PHIP: variants seen among roughly 807,000 people sequenced by gnomAD.
The protein encoded by PHIP is PH-interacting protein.
In PHIP, 54 loss-of-function variants were observed where a neutral mutation model predicts 236.8. The ratio of observed to expected loss-of-function variants is 0.23; its 90% CI spans 0.18 to 0.29. The LOEUF (loss-of-function observed/expected upper bound fraction) is 0.29. Ranked by LOEUF, PHIP falls within the 10% of genes least tolerant of loss-of-function variation. The pLI, the probability that PHIP is intolerant of heterozygous loss-of-function variation, is 1.00. For synonymous variants in PHIP, 756 were observed against 718.9 expected (o/e 1.05, Z -0.83); for missense variants, 1,370 against 2,190.8 (o/e 0.63, Z 7.48).
chr6:79,020,290 G>A (rs1193254027), intron 9 of PHIP, among the ~76,000 whole-genome samples: 1 of 152,074 alleles, frequency 6.6e-6, no homozygotes, highest in Non-Finnish European at 1.5e-5. Flanking sequence ...GCAACAAAAT[G>A]TTAAGAATTT....
At chr6:78,988,762 A>T (rs976651598) in intron 20 of PHIP, among the ~76,000 whole-genome samples, 4 of 152,032 alleles carry the variant, frequency 2.6e-5, no homozygotes, top group African/African-American at 4.8e-5. Flanking sequence ...TTAATGACAG[A>T]CATAAGGATT....
At chr6:79,041,876 T>G (rs1234342698) in intron 7 of PHIP, among the ~76,000 whole-genome samples, 1 of 152,082 alleles carries the variant, frequency 6.6e-6, no homozygotes, top group Non-Finnish European at 1.5e-5. Flanking sequence ...TTTAGCTGTT[T>G]TACAGATGAC....
intron 35 of PHIP, among the ~76,000 whole-genome samples, chr6:78,952,038 G>GT (rs1007005609): frequency 6.6e-6 from 1 of 152,084 alleles, no homozygotes; most frequent in African/African-American, 2.4e-5. Flanking sequence ...CAATTGTTGA[G>GT]TTTTTTTCAC....
chr6:79,009,091 T>C (rs538265707), intron 15 of PHIP, among the ~76,000 whole-genome samples: 16 of 152,192 alleles, frequency 1.1e-4, no homozygotes, highest in South Asian at 6.2e-4. Flanking sequence ...ATACCTGAAA[T>C]TGTACTACTG....
chr6:79,036,957 T>TG (rs1014886315), intron 7 of PHIP, among the ~76,000 whole-genome samples: 11 of 147,882 alleles, frequency 7.4e-5, no homozygotes, highest in Non-Finnish European at 1.3e-4. Flanking sequence ...GCAAGGCTGC[T>TG]GACTTGATAC....
intron 4 of PHIP, among the ~76,000 whole-genome samples, chr6:79,064,260 C>T (rs1773516274): frequency 6.6e-6 from 1 of 152,186 alleles, no homozygotes; most frequent in Admixed American, 6.5e-5. Flanking sequence ...CCAACTCCTT[C>T]CCATCTACAT....
intron 7 of PHIP, among the ~76,000 whole-genome samples, chr6:79,032,027 T>C (rs185462757): frequency 6.6e-6 from 1 of 152,320 alleles, no homozygotes; most frequent in Admixed American, 6.5e-5. Context: ...CACAAATTTT[T>C]TGGTTTCCAA....
chr6:78,972,315 G>A (rs1317884809), intron 24 of PHIP, among the ~76,000 whole-genome samples: 2 of 152,150 alleles, frequency 1.3e-5, no homozygotes, highest in African/African-American at 4.8e-5. Flanking sequence ...GCAGCTGAGG[G>A]TCCTGTCTGT....
intron 7 of PHIP, among the ~76,000 whole-genome samples, chr6:79,029,142 C>T (rs1771539000): frequency 6.6e-6 from 1 of 152,158 alleles, no homozygotes; most frequent in African/African-American, 2.4e-5. Context: ...ATTAACCTTT[C>T]TTTTCTTCCA....
At position 79,002,045 on chromosome 6, in the gene PHIP, G is replaced by T; in HGVS notation, c.1733C>A (p.Thr578Asn). ...DANNFVLDEQ[T>N]QQAPHLMPPP... is the part of the protein sequence containing the mutation. Reference sequence around the variant, plus strand: ...AGGCATAAGATGAGGTGCTTGCTGAGTCTGTTCATCTAATACAAAATTGTT... The same window carrying T: ...AGGCATAAGATGAGGTGCTTGCTGATTCTGTTCATCTAATACAAAATTGTT... Residue 578 changes from threonine (T) to asparagine (N), a missense_variant, in exon 17 of 40, where the codon ACT becomes AAT. By Grantham distance (65) the Thr-to-Asn change is moderately conservative. Transcript: ENST00000275034. 3 of 1,613,262 alleles carry T rather than the reference G, an allele frequency of 1.9e-6. No individual in the cohort carries two copies. Among genetic ancestry groups the T allele is most frequent in the Non-Finnish European group, 2.5e-6 (3 of 1,179,402 alleles).
chr6:78,943,282 AATAG>A (rs1173343420), intron 39 of PHIP, among the ~76,000 whole-genome samples: 2 of 152,188 alleles, frequency 1.3e-5, no homozygotes, highest in African/African-American at 4.8e-5. Context: ...AATGTTAACT[AATAG>A]ATAATGATAT....
At chr6:78,992,885 TAGCAAC>T (rs1769357320) in intron 19 of PHIP, among the ~76,000 whole-genome samples, 1 of 152,158 alleles carries the variant, frequency 6.6e-6, no homozygotes, top group Non-Finnish European at 1.5e-5. Flanking sequence ...AAATCAAAGG[TAGCAAC>T]GATTAAACTC....
chr6:79,015,613 T>C lies in PHIP; in HGVS notation c.1389+17A>G. 3 of 1,556,434 alleles carry C rather than the reference T, an allele frequency of 1.9e-6. No individual in the cohort carries two copies. The highest frequency in any genetic ancestry group is 2.6e-6 in the Non-Finnish European group (3 of 1,140,342). ...CAGCTTCAGTTATATCAAATAAAGA[T>C]TAGAATTTTTTCTCACCATCAGGAC... On this transcript the variant is annotated intron_variant, in intron 14 of 39. Transcript: ENST00000275034.
At chr6:79,052,179 G>C (rs1772827446) in intron 6 of PHIP, among the ~76,000 whole-genome samples, 1 of 152,182 alleles carries the variant, frequency 6.6e-6, no homozygotes, top group South Asian at 2.1e-4. Flanking sequence ...TTGGGGCTGA[G>C]GGGTGGATAT....
At chr6:79,044,949 A>G (rs1772403960) in intron 6 of PHIP, among the ~76,000 whole-genome samples, 1 of 152,156 alleles carries the variant, frequency 6.6e-6, no homozygotes, top group African/African-American at 2.4e-5. Context: ...TTCATTTTGG[A>G]AGCCAATTGA....
rs150330740 is a variant in PHIP, at chr6:78,970,506, G to A, written c.2997+275C>T. Among the ~76,000 whole-genome samples, 837 of 152,132 alleles carry A rather than the reference G, an allele frequency of 5.5e-3. 6 individuals are homozygous for A. Among genetic ancestry groups the A allele is most frequent in the African/African-American group, 0.019 (809 of 41,508 alleles). On this transcript the variant is annotated intron_variant, in intron 25 of 39. Coordinates refer to ENST00000275034, the MANE Select transcript of PHIP (RefSeq NM_017934.7). Reference sequence around the variant, plus strand: ...ATCTAGAAATACGCATCAAATTTACGAATACAAAGCTTACTTTAGACTTAT... The same window carrying A: ...ATCTAGAAATACGCATCAAATTTACAAATACAAAGCTTACTTTAGACTTAT...
At position 79,025,999 on chromosome 6, in the gene PHIP, T is replaced by C. The variant is rs1310415728; in HGVS notation, c.766A>G (p.Thr256Ala). 1 of 1,614,024 alleles carries C rather than the reference T, an allele frequency of 6.2e-7. No individual in the cohort carries two copies. Among genetic ancestry groups the C allele is most frequent in the Non-Finnish European group, 8.5e-7 (1 of 1,179,982 alleles). ...TGAAGAACAGCCAAAGGTGCACAGG[T>C]TCGAAGACACCAGACTCGGATCATT... ...DKMIRVWCLRTCAPLAVLQGH... is the reference protein window; with the variant it reads ...DKMIRVWCLRACAPLAVLQGH... Residue 256 changes from threonine (T) to alanine (A), a missense_variant, in exon 8 of 40, where the codon ACC becomes GCC. Transcript: ENST00000275034.
rs1332760316 is a variant in PHIP, at chr6:78,954,745, T to A, written c.4053+69A>T. 7.6e-6 allele frequency: 7 copies of A among 917,032 alleles called. No homozygotes were observed. The South Asian group carries it at 1.2e-4, about 16-fold the overall frequency. The allele number at this position is 917,032 out of a possible 1,614,324, so 56.8% of individuals were successfully genotyped here. A position where few individuals can be genotyped will look rare whatever the true frequency, so the allele number is the denominator to read the frequency against. On this transcript the variant is annotated intron_variant, in intron 35 of 39. Transcript: ENST00000275034. ...CTATAATCATAAAAAGTAACTAAAA[T>A]AGCCAACTGTCATGTAAAAGGTATG... is the stretch of plus-strand genomic sequence containing the variant.
At chr6:78,966,457 G>C (rs1767140128) in intron 27 of PHIP, among the ~76,000 whole-genome samples, 1 of 152,064 alleles carries the variant, frequency 6.6e-6, no homozygotes, top group Non-Finnish European at 1.5e-5. Flanking sequence ...CTGTAAGCAA[G>C]TTTCCCCAAC....
Sources: gnomAD v4.1 joint callset for allele counts (sites outside exome capture counted in the v4.1 genomes callset) on GRCh38, gnomAD v4.1.1 for gene constraint, MANE v1.5 for transcripts, NCBI Gene and HGNC (gene_info 2026-07-23, HGNC 2026-07-21) for gene names.